Variants in AHNAK observed in about 807,000 individuals in gnomAD.
AHNAK encodes the protein neuroblast differentiation-associated protein AHNAK.
AHNAK carries 23 observed loss-of-function variants against 37.8 expected under a neutral mutation model. The observed-to-expected ratio is 0.61, with a 90% CI of 0.44 to 0.86. The LOEUF is 0.86. AHNAK is among the 40% of genes least tolerant of loss of function. The pLI is 0.00. For synonymous variants in AHNAK, 2,481 were observed against 2,636.3 expected (o/e 0.94, Z 1.80); for missense variants, 7,411 against 7,319.4 (o/e 1.01, Z -0.46).
At chr11:62,494,625 G>A (rs1448483991) in intron 4 of AHNAK, among the ~76,000 whole-genome samples, 3 of 152,002 alleles carry the variant, frequency 2.0e-5, no homozygotes, top group South Asian at 2.1e-4. Context: ...CCAGCACTTC[G>A]AGAGGCCAAG....
In AHNAK at chr11:62,536,521, T is replaced by A. The variant is rs1449850323; in HGVS notation, c.-53A>T. 6.3e-6 allele frequency: 1 copy of A among 158,406 alleles called. No homozygotes were observed. The highest frequency in any genetic ancestry group is 1.4e-5 in the Non-Finnish European group (1 of 72,372). The allele number at this position is 158,406 out of a possible 1,614,324, so 9.8% of individuals were successfully genotyped here. A position where few individuals can be genotyped will look rare whatever the true frequency, so the allele number is the denominator to read the frequency against. The stretch of plus-strand genomic sequence containing the variant: ...TGCCTTGCCAGGAGCCCGCCCCTCC[T>A]TCCTCTCTTCCCCTCAGTCTCTCTC... On this transcript the variant is annotated 5_prime_UTR_variant, in exon 2 of 5. It adds an upstream start codon to the 5' untranslated region. Transcript: ENST00000378024.
Position 62,527,367 on chromosome 11 carries a change from A to G in AHNAK, c.7050T>C (p.Gly2350=), listed in dbSNP as rs1258179946. 1.2e-6 allele frequency: 2 copies of G among 1,613,820 alleles called. No homozygotes were observed. Among genetic ancestry groups the G allele is most frequent in the African/African-American group, 1.3e-5 (1 of 74,852 alleles). Residue 2350 remains glycine, a synonymous_variant, in exon 5 of 5, where the codon GGT becomes GGC. Transcript: ENST00000378024. The part of the protein sequence containing the change: ...ELKGPELDVK[G]PKLDADMPEV... The stretch of plus-strand genomic sequence containing the variant: ...CTGGCATGTCAGCATCTAATTTGGG[A>G]CCTTTGACATCCAATTCTGGACCTT...
At chr11:62,490,164 G>T (rs978046159) in intron 5 of AHNAK, among the ~76,000 whole-genome samples, 3 of 151,744 alleles carry the variant, frequency 2.0e-5, no homozygotes, top group Non-Finnish European at 4.4e-5. Context: ...AGAGGGGTTC[G>T]GGCTTGAGGG....
Position 62,533,370 on chromosome 11 carries a change from G to A in AHNAK, c.1047C>T (p.Ile349=). Residue 349 remains isoleucine (I), a synonymous_variant, in exon 5 of 5, where the codon ATC becomes ATT. Coordinates refer to ENST00000378024, the MANE Select transcript of AHNAK (RefSeq NM_001620.3). The stretch of plus-strand genomic sequence containing the variant: ...CACTGACTTCCAGCTGAGGGGCTTG[G>A]ATAGTCAAGCCTGGCTTGCCGCCCT... ...GHKGGKPGLT[I]QAPQLEVSVP... 6.3e-7 allele frequency: 1 copy of A among 1,579,856 alleles called. No individual in the cohort carries two copies. The highest frequency in any genetic ancestry group is 8.6e-7 in the Non-Finnish European group (1 of 1,163,702).
rs910114642 is a variant in AHNAK, at chr11:62,494,915, G to A, written c.343-3084C>T. Among the ~76,000 whole-genome samples, 14 of 150,580 alleles carry A rather than the reference G, an allele frequency of 9.3e-5. 1 individual carries two copies. Among genetic ancestry groups the A allele is most frequent in the African/African-American group, 3.2e-4 (13 of 40,308 alleles). On this transcript the variant is annotated intron_variant, in intron 4 of 5. Transcript: ENST00000257247. ...CTCAGGAGGCTGAGGCACGAGAATC[G>A]CTTGAACCCAGAAGGCGGAGGTTGC...
intron 5 of AHNAK, among the ~76,000 whole-genome samples, chr11:62,476,524 G>A (rs576663008): frequency 3.2e-4 from 48 of 152,112 alleles, no homozygotes; most frequent in Non-Finnish European, 6.6e-4. Context: ...AGAAGTTCCC[G>A]AAGAACTCAA....
chr11:62,481,368 G>C (rs1365036440), intron 5 of AHNAK, among the ~76,000 whole-genome samples: 1 of 151,318 alleles, frequency 6.6e-6, no homozygotes, highest in South Asian at 2.1e-4. Flanking sequence ...CGGCCTCCCA[G>C]AGTGCTGGGA....
chr11:62,507,051 T>C (rs2134178912), intron 4 of AHNAK, among the ~76,000 whole-genome samples: 1 of 152,188 alleles, frequency 6.6e-6, no homozygotes, highest in East Asian at 1.9e-4. Flanking sequence ...TTCCACACTT[T>C]TATTCCCCGG....
intron 4 of AHNAK, among the ~76,000 whole-genome samples, chr11:62,508,036 T>C (rs1939839362): frequency 6.6e-6 from 1 of 152,208 alleles, no homozygotes; most frequent in Non-Finnish European, 1.5e-5. Context: ...CTTGAATTCC[T>C]GGCCTCAAGT....
At chr11:62,515,847 T>C (rs1940001662), downstream of AHNAK, 6 of 1,089,878 alleles carry the variant, frequency 5.5e-6, no homozygotes, top group Non-Finnish European at 6.8e-6. Context: ...CAGCTGGCTG[T>C]GCAGCTTCCC....
chr11:62,533,420 C>T lies in AHNAK; in HGVS notation c.997G>A (p.Ala333Thr). The T allele has an allele frequency of 6.2e-7, 1 of 1,610,446 alleles. No homozygotes were observed. The highest frequency in any genetic ancestry group is 2.2e-5 in the East Asian group (1 of 44,882). The change falls in exon 5 of 5, where the codon GCA (alanine) becomes ACA (threonine). Residue 333 changes from alanine to threonine, a missense_variant. Physicochemically the swap from Ala to Thr is moderately conservative, Grantham distance 58. Coordinates refer to ENST00000378024, the MANE Select transcript of AHNAK (RefSeq NM_001620.3). ...QTPKAGLRVSAPEVSVGHKGG... is the reference protein window; with the variant it reads ...QTPKAGLRVSTPEVSVGHKGG... ...TTGTGCCCCACAGAGACTTCAGGTGCAGAAACCCTCAGCCCTGCCTTTGGT... is the reference window on the plus strand; with the variant it reads ...TTGTGCCCCACAGAGACTTCAGGTGTAGAAACCCTCAGCCCTGCCTTTGGT...
rs567914713 is a variant in AHNAK, at chr11:62,491,147, G to A, written c.442+585C>T. ...AAAAAACAGTTTCATTTTGGTACAGGCCAGAAACATGGCTACGGCCCACAC... is the reference window on the plus strand; with the variant it reads ...AAAAAACAGTTTCATTTTGGTACAGACCAGAAACATGGCTACGGCCCACAC... On this transcript the variant is annotated intron_variant, in intron 5 of 5. Coordinates refer to the AHNAK transcript ENST00000257247. 7.0e-4 allele frequency among the ~76,000 whole-genome samples: 107 copies of A among 152,136 alleles called. 1 individual carries two copies. The highest frequency in any genetic ancestry group is 2.2e-4 in the Non-Finnish European group (15 of 67,996).
chr11:62,470,563 G>C (rs1036728689), intron 5 of AHNAK, among the ~76,000 whole-genome samples: 2 of 151,490 alleles, frequency 1.3e-5, no homozygotes, highest in Admixed American at 1.3e-4. Flanking sequence ...CCGAGATCGC[G>C]CCACTGCACT....
In AHNAK at chr11:62,522,213, G is replaced by A. The variant is rs1281396440; in HGVS notation, c.12204C>T (p.Phe4068=). The change falls in exon 5 of 5, where the codon TTC becomes TTT. Residue 4068 remains phenylalanine, a synonymous_variant. Coordinates refer to ENST00000378024, the MANE Select transcript of AHNAK (RefSeq NM_001620.3). ...LKMPKVKMPK[F]SMPGFKGEGP... ...CCTCTCCTTTAAATCCTGGCATGCT[G>A]AATTTGGGCATTTTCACCTTGGGCA... The A allele has an allele frequency of 3.1e-6, 5 of 1,613,008 alleles. No homozygotes were observed. Among genetic ancestry groups the A allele is most frequent in the Admixed American group, 3.3e-5 (2 of 59,870 alleles).
intron 5 of AHNAK, among the ~76,000 whole-genome samples, chr11:62,448,397 T>C (rs372803593): frequency 4.6e-5 from 7 of 152,284 alleles, no homozygotes; most frequent in African/African-American, 1.4e-4. Flanking sequence ...CCAGGTGAGA[T>C]GGTGGTGACT....
rs1433240860 is a variant in AHNAK, at chr11:62,527,736, A to C, written c.6681T>G (p.Ile2227Met). Residue 2227 changes from isoleucine to methionine, a missense_variant, in exon 5 of 5, where the codon ATT becomes ATG. Transcript: ENST00000378024. ...CATGAACATCCACATCTGGGGCATC[A>C]ATGTCCACTTTGGGCCCTCTGATGT... ...DVDIRGPKVD[I>M]DAPDVDVHGP... is the part of the protein sequence containing the mutation. The C allele has an allele frequency of 6.2e-7, 1 of 1,613,954 alleles. No homozygotes were observed. Among genetic ancestry groups the C allele is most frequent in the Non-Finnish European group, 8.5e-7 (1 of 1,179,992 alleles).
chr11:62,505,742 G>A (rs1374086411), intron 4 of AHNAK, among the ~76,000 whole-genome samples: 6 of 81,018 alleles, frequency 7.4e-5, no homozygotes, highest in Admixed American at 1.3e-4. Context: ...TGCCTCCCCC[G>A]ACACACCTCC....
chr11:62,521,809 C>G lies in AHNAK; in HGVS notation c.12608G>C (p.Gly4203Ala), dbSNP rs754270539. The change falls in exon 5 of 5, where the codon GGA becomes GCA. Residue 4203 changes from glycine to alanine, a missense_variant. Physicochemically the swap from Gly to Ala is moderately conservative, Grantham distance 60. Transcript: ENST00000378024. ...GTTCACATCCACATCTGGGCCCTCT[C>G]CTTTGAAGCCAGGCATGCTGAACTT... ...MPKFSMPGFK[G>A]EGPDVDVNLP... 1.7e-5 allele frequency: 27 copies of G among 1,613,562 alleles called. No homozygotes were observed. Among genetic ancestry groups the G allele is most frequent in the Non-Finnish European group, 2.2e-5 (26 of 1,179,918 alleles).
In AHNAK at chr11:62,523,290, G is replaced by A; in HGVS notation, c.11127C>T (p.Gly3709=). The change falls in exon 5 of 5, where the codon GGC becomes GGT. Residue 3709 remains glycine (G), a synonymous_variant. Transcript: ENST00000378024. ...DLKGPEVDIK[G]PKVDIDTPDI... ...CAGGAGTGTCAATGTCCACTTTGGG[G>A]CCCTTGATGTCCACCTCAGGGCCTT... 6.2e-7 allele frequency: 1 copy of A among 1,614,024 alleles called. No homozygotes were observed. Among genetic ancestry groups the A allele is most frequent in the South Asian group, 1.1e-5 (1 of 91,052 alleles).
Sources: allele counts gnomAD v4.1 joint callset (sites outside exome capture counted in the v4.1 genomes callset), GRCh38; gene constraint gnomAD v4.1.1; transcripts MANE v1.5; gene names NCBI Gene and HGNC (gene_info 2026-07-23, HGNC 2026-07-21).